Variants in GRM7 observed in about 807,000 individuals in gnomAD.
GRM7 encodes the protein glutamate metabotropic receptor 7.
GRM7 carries 35 observed loss-of-function variants against 84.5 expected under a neutral mutation model. The ratio of observed to expected loss-of-function variants is 0.41; its 90% CI spans 0.32 to 0.55. GRM7 has a LOEUF of 0.55. Ranked by LOEUF, GRM7 falls within the 20% of genes least tolerant of loss-of-function variation. GRM7 has a pLI of 0.19. For synonymous variants in GRM7, 487 were observed against 455.1 expected, an observed-to-expected ratio of 1.07 and a Z score of -0.89; for missense variants, 1,003 against 1,194.6, an observed-to-expected ratio of 0.84 and a Z score of 2.36.
intron 1 of GRM7, among the ~76,000 whole-genome samples, chr3:6,907,206 G>GT (rs1300386053): frequency 6.6e-6 from 1 of 151,990 alleles, no homozygotes; most frequent in Admixed American, 6.6e-5. Flanking sequence ...TGCTTGGCCT[G>GT]TTTTTTAGTT....
rs1699622673 is a variant in GRM7 at position 7,291,507 on chromosome 3, TCTCTCTCTCTCTCTCTCTCTC to T, written c.737-7176_737-7156del. Reference sequence around the variant, plus strand: ...CATGCCAGCTCTCTCTCTCTCTCTCTCTCTCTCTCTCTCTCTCTCTCTCTCTCTCTCTCTCTCTCTCTCTCT... The same window carrying T: ...CATGCCAGCTCTCTCTCTCTCTCTCTTCTCTCTCTCTCTCTCTCTCTCTCT... On this transcript the variant is annotated intron_variant, in intron 2 of 9. Coordinates refer to ENST00000357716, the MANE Select transcript of GRM7 (RefSeq NM_000844.4). Among the ~76,000 whole-genome samples, 3 of 10,666 alleles carry T rather than the reference TCTCTCTCTCTCTCTCTCTCTC, an allele frequency of 2.8e-4. No individual in the cohort carries two copies. The African/African-American group carries it at 5.2e-3, about 18-fold the overall frequency. 7.0% of individuals were successfully genotyped at this position (10,666 alleles called of 152,430 possible). A position where few individuals can be genotyped will look rare whatever the true frequency, so the allele number is the denominator to read the frequency against.
chr3:7,226,514 G>A (rs111736438), intron 2 of GRM7, among the ~76,000 whole-genome samples: 2 of 152,120 alleles, frequency 1.3e-5, no homozygotes, highest in African/African-American at 4.8e-5. Context: ...CAAAGACAGA[G>A]TTCTGTATAA....
chr3:7,295,152 G>A (rs1699771403), intron 2 of GRM7, among the ~76,000 whole-genome samples: 2 of 152,184 alleles, frequency 1.3e-5, no homozygotes, highest in Middle Eastern at 6.8e-3. Context: ...TTACACTTGG[G>A]TGTATTATCC....
intron 8 of GRM7, among the ~76,000 whole-genome samples, chr3:7,596,627 T>G (rs1696058490): frequency 6.6e-6 from 1 of 152,128 alleles, no homozygotes; most frequent in East Asian, 1.9e-4. Flanking sequence ...AATGAACCAT[T>G]GTTTTTCAAA....
chr3:7,547,350 G>C (rs1693213710), intron 7 of GRM7, among the ~76,000 whole-genome samples: 1 of 151,862 alleles, frequency 6.6e-6, no homozygotes, highest in South Asian at 2.1e-4. Flanking sequence ...GGGACTACAG[G>C]CGCCCGCCGC....
intron 1 of GRM7, among the ~76,000 whole-genome samples, chr3:7,012,599 A>AC (rs149520341): frequency 0.019 from 2,857 of 152,194 alleles, 79 homozygotes; most frequent in African/African-American, 0.066. Context: ...GATTTTTCTG[A>AC]CCTTTCCCTG....
At chr3:7,538,314 G>T (rs913300126) in intron 7 of GRM7, among the ~76,000 whole-genome samples, 1 of 152,124 alleles carries the variant, frequency 6.6e-6, no homozygotes, top group Non-Finnish European at 1.5e-5. Context: ...GTTTCACCAT[G>T]TTGGCCAGCC....
chr3:7,003,853 C>T (rs766819931), intron 1 of GRM7, among the ~76,000 whole-genome samples: 17 of 152,146 alleles, frequency 1.1e-4, no homozygotes, highest in Non-Finnish European at 2.4e-4. Context: ...GGTTAGCTAA[C>T]TTGGGGTATC....
intron 1 of GRM7, among the ~76,000 whole-genome samples, chr3:7,049,568 A>T (rs982712814): frequency 1.3e-5 from 2 of 151,946 alleles, no homozygotes; most frequent in African/African-American, 4.8e-5. Context: ...TATCACATGC[A>T]GTATATATAA....
intron 4 of GRM7, among the ~76,000 whole-genome samples, chr3:7,355,112 C>A (rs1447021351): frequency 1.2e-4 from 18 of 152,100 alleles, no homozygotes; most frequent in Admixed American, 1.2e-3. Flanking sequence ...GGCTAAAAAT[C>A]AGGGGTTTTT....
At chr3:7,667,182 T>C (rs1011812529) in intron 8 of GRM7, among the ~76,000 whole-genome samples, 4 of 151,648 alleles carry the variant, frequency 2.6e-5, no homozygotes, top group African/African-American at 4.8e-5. Flanking sequence ...ACAAGAGGAC[T>C]ACTTGAGCCC....
chr3:7,469,013 T>TA (rs1166196390), intron 7 of GRM7, among the ~76,000 whole-genome samples: 3 of 152,210 alleles, frequency 2.0e-5, no homozygotes, highest in African/African-American at 7.2e-5. Context: ...TACTAGCATT[T>TA]AGCTGGGTTA....
intron 8 of GRM7, among the ~76,000 whole-genome samples, chr3:7,592,095 T>C (rs1033740390): frequency 6.6e-6 from 1 of 151,580 alleles, no homozygotes; most frequent in African/African-American, 2.4e-5. Flanking sequence ...AAAATATGCA[T>C]ATATATATAT....
At chr3:7,255,780 T>C (rs1182356529) in intron 2 of GRM7, among the ~76,000 whole-genome samples, 2 of 152,160 alleles carry the variant, frequency 1.3e-5, no homozygotes, top group Non-Finnish European at 2.9e-5. Context: ...CTATCTGGAT[T>C]CCACAAAGCA....
intron 8 of GRM7, among the ~76,000 whole-genome samples, chr3:7,674,710 C>T (rs1362549203): frequency 1.3e-5 from 2 of 152,176 alleles, no homozygotes; most frequent in Non-Finnish European, 2.9e-5. Context: ...TTGCCTTCCT[C>T]CTGCAACTAG....
chr3:7,653,173 C>T (rs1390094526), intron 8 of GRM7, among the ~76,000 whole-genome samples: 1 of 129,782 alleles, frequency 7.7e-6, no homozygotes, highest in Non-Finnish European at 1.6e-5. Flanking sequence ...TTGTAACATA[C>T]TATATCCTTT....
chr3:7,053,996 T>A (rs1697113722), intron 1 of GRM7, among the ~76,000 whole-genome samples: 2 of 151,140 alleles, frequency 1.3e-5, no homozygotes, highest in Admixed American at 1.3e-4. Context: ...TATTTAATTT[T>A]ATCAATATTT....
intron 2 of GRM7, among the ~76,000 whole-genome samples, chr3:7,168,183 C>T (rs906463652): frequency 2.0e-5 from 3 of 151,950 alleles, no homozygotes; most frequent in Non-Finnish European, 2.9e-5. Flanking sequence ...ATTGCCTTTT[C>T]GTAGAAAACA....
intron 8 of GRM7, among the ~76,000 whole-genome samples, chr3:7,583,847 C>T (rs764119499): frequency 3.3e-5 from 5 of 152,128 alleles, no homozygotes; most frequent in East Asian, 1.9e-4. Flanking sequence ...ACTTACAATG[C>T]GTGTACTGTG....
Sources: allele counts gnomAD v4.1 joint callset (sites outside exome capture counted in the v4.1 genomes callset), GRCh38; gene constraint gnomAD v4.1.1; transcripts MANE v1.5; gene names NCBI Gene and HGNC (gene_info 2026-07-23, HGNC 2026-07-21).